SPAG1: variants seen among roughly 807,000 people sequenced by gnomAD.
SPAG1 encodes the protein sperm-associated antigen 1.
SPAG1 carries 69 observed loss-of-function variants against 100.5 expected under a neutral mutation model. That is an observed-to-expected ratio of 0.69 (90% confidence interval 0.57 to 0.84). The LOEUF is 0.84. SPAG1 is among the 40% of genes least tolerant of loss of function. The pLI is 0.00. For synonymous variants in SPAG1, 336 were observed against 411.6 expected (o/e 0.82, Z 2.22); for missense variants, 955 against 1,133.1 (o/e 0.84, Z 2.26).
intron 3 of SPAG1, among the ~76,000 whole-genome samples, chr8:100,168,744 A>G (rs1345762474): frequency 7.5e-6 from 1 of 133,520 alleles, no homozygotes; most frequent in Non-Finnish European, 1.5e-5. Flanking sequence ...CTGGAGTGCA[A>G]TGACACAGTC....
chr8:100,196,642 C>A (rs1252873427), intron 10 of SPAG1, among the ~76,000 whole-genome samples: 1 of 151,880 alleles, frequency 6.6e-6, no homozygotes, highest in East Asian at 1.9e-4. Flanking sequence ...TAGCTTTTTT[C>A]ATTCTTTTAA....
Position 100,165,829 on chromosome 8 carries a change from A to C in SPAG1, c.156A>C (p.Gly52=). 2 of 1,613,208 alleles carry C rather than the reference A, an allele frequency of 1.2e-6. No homozygotes were observed. The highest frequency in any genetic ancestry group is 1.7e-6 in the Non-Finnish European group (2 of 1,179,558). ...TCTTTTTAAGATCTGGTGAGGAAGG[A>C]TATTATCCTGAACTTACAGAATTTT... The part of the protein sequence containing the change: ...ILCVLRSGEE[G]YYPELTEFCE... Residue 52 remains glycine (G), a synonymous_variant, in exon 3 of 19, where the codon GGA becomes GGC. Coordinates refer to ENST00000388798, the MANE Select transcript of SPAG1 (RefSeq NM_003114.5).
At chr8:100,226,612 G>A (rs1194905689) in intron 14 of SPAG1, among the ~76,000 whole-genome samples, 2 of 152,074 alleles carry the variant, frequency 1.3e-5, no homozygotes, top group African/African-American at 4.8e-5. Context: ...GCTGAGGTGG[G>A]AGGATCCCGA....
intron 14 of SPAG1, among the ~76,000 whole-genome samples, chr8:100,229,724 T>C (rs1379971251): frequency 6.6e-6 from 1 of 152,246 alleles, no homozygotes; most frequent in Non-Finnish European, 1.5e-5. Context: ...CACTGCAAGA[T>C]AATAGGGATA....
At chr8:100,220,178 T>C in intron 12 of SPAG1, 101 bp from the exon 13 acceptor site, 1 of 994,690 alleles carries the variant, frequency 1.0e-6, no homozygotes, top group Non-Finnish European at 1.5e-6. Context: ...CTCGGATGTG[T>C]ACATATTTGA....
At chr8:100,237,119 C>T (rs528552815) in intron 16 of SPAG1, among the ~76,000 whole-genome samples, 1 of 152,248 alleles carries the variant, frequency 6.6e-6, no homozygotes, top group South Asian at 2.1e-4. Flanking sequence ...CTTGCTCTGT[C>T]ACTCAGGCTG....
chr8:100,202,258 G>C (rs1460881176), intron 10 of SPAG1, among the ~76,000 whole-genome samples: 1 of 151,948 alleles, frequency 6.6e-6, no homozygotes, highest in Non-Finnish European at 1.5e-5. Flanking sequence ...TTTTCCAAAA[G>C]AGCGTCCAAC....
chr8:100,193,990 C>CAAA, intron 9 of SPAG1, 122 bp from the exon 10 acceptor site: 1 of 831,074 alleles, frequency 1.2e-6, no homozygotes. Flanking sequence ...CAAAGGCCAC[C>CAAA]AAAAAAAAGC....
chr8:100,179,536 C>T (rs1285778907), intron 4 of SPAG1, among the ~76,000 whole-genome samples: 1 of 152,074 alleles, frequency 6.6e-6, no homozygotes, highest in African/African-American at 2.4e-5. Context: ...CTTGAAGTCC[C>T]AGAGATTCTT....
intron 10 of SPAG1, 98 bp from the exon 11 acceptor site, chr8:100,212,992 C>G (rs1309256939): frequency 1.7e-5 from 17 of 994,736 alleles, no homozygotes; most frequent in Middle Eastern, 3.6e-4. Flanking sequence ...TCCCTAGAGC[C>G]CGCCCTCCGC....
intron 13 of SPAG1, among the ~76,000 whole-genome samples, chr8:100,223,662 G>T (rs1028234541): frequency 3.3e-5 from 5 of 150,874 alleles, no homozygotes; most frequent in African/African-American, 1.2e-4. Flanking sequence ...TCCTCTCCAG[G>T]AATCTTATAT....
chr8:100,210,639 T>C (rs186032832), intron 10 of SPAG1, among the ~76,000 whole-genome samples: 184 of 152,280 alleles, frequency 1.2e-3, no homozygotes, highest in African/African-American at 4.4e-3. Context: ...TTAGTATATC[T>C]CAGGGATCCT....
chr8:100,217,658 A>C (rs1484656734), intron 12 of SPAG1, among the ~76,000 whole-genome samples: 1 of 152,220 alleles, frequency 6.6e-6, no homozygotes, highest in East Asian at 1.9e-4. Flanking sequence ...TTTCTCATCT[A>C]TCAGAACCTT....
intron 12 of SPAG1, among the ~76,000 whole-genome samples, chr8:100,220,077 C>T (rs1051226779): frequency 1.3e-5 from 2 of 152,158 alleles, no homozygotes; most frequent in African/African-American, 4.8e-5. Context: ...GAGTGCTTTG[C>T]TACTGGTTTA....
At chr8:100,177,119 T>G (rs2132238364) in intron 3 of SPAG1, among the ~76,000 whole-genome samples, 1 of 152,236 alleles carries the variant, frequency 6.6e-6, no homozygotes, top group South Asian at 2.1e-4. Context: ...TGGGAGCACT[T>G]CCAGCATCAC....
chr8:100,196,391 AT>A (rs567772875), intron 10 of SPAG1, among the ~76,000 whole-genome samples: 10 of 151,926 alleles, frequency 6.6e-5, no homozygotes, highest in African/African-American at 9.7e-5. Flanking sequence ...TTTGGTATTG[AT>A]TTTTTTCCCC....
chr8:100,210,580 C>A (rs921346440), intron 10 of SPAG1, among the ~76,000 whole-genome samples: 1 of 152,156 alleles, frequency 6.6e-6, no homozygotes. Flanking sequence ...CATTTCTAGG[C>A]ATTTCTGTGC....
chr8:100,194,019 AT>A, intron 9 of SPAG1, 92 bp from the exon 10 acceptor site: 1 of 1,086,278 alleles, frequency 9.2e-7, no homozygotes, highest in Non-Finnish European at 1.3e-6. Flanking sequence ...AGTTGTATTC[AT>A]TTTTCAACAT....
chr8:100,227,170 G>A (rs1818554347), intron 14 of SPAG1, among the ~76,000 whole-genome samples: 1 of 152,230 alleles, frequency 6.6e-6, no homozygotes, highest in African/African-American at 2.4e-5. Context: ...ATTGTTGAGT[G>A]ATGCATGGCT....
Sources: allele counts gnomAD v4.1 joint callset (sites outside exome capture counted in the v4.1 genomes callset), GRCh38; gene constraint gnomAD v4.1.1; transcripts MANE v1.5; gene names NCBI Gene and HGNC (gene_info 2026-07-23, HGNC 2026-07-21).